DNAH11: variants seen among roughly 807,000 people sequenced by gnomAD.
DNAH11 encodes the protein dynein axonemal heavy chain 11.
In DNAH11, 442 loss-of-function variants were observed where a neutral mutation model predicts 526.0. The observed-to-expected ratio is 0.84, with a 90% confidence interval of 0.78 to 0.91. The LOEUF (loss-of-function observed/expected upper bound fraction) is 0.91, where lower values mean the gene tolerates loss of function less well. DNAH11 is among the 40% of genes least tolerant of loss of function. The probability of loss-of-function intolerance (pLI) is 0.00; values close to 1 mark genes in which losing one functional copy is unlikely to be tolerated. For synonymous variants in DNAH11, 2,461 were observed against 1,935.9 expected (o/e 1.27, Z -7.12); for missense variants, 6,989 against 5,448.7 (o/e 1.28, Z -8.90).
At chr7:21,773,341 C>CTTTTTTTTTTT (rs200549631) in intron 55 of DNAH11, among the ~76,000 whole-genome samples, 1 of 126,668 alleles carries the variant, frequency 7.9e-6, no homozygotes. Flanking sequence ...TAAGTTTTGG[C>CTTTTTTTTTTT]TTTTTTTTTT....
chr7:21,675,227 T>G (rs929581669), intron 30 of DNAH11, among the ~76,000 whole-genome samples: 7 of 152,230 alleles, frequency 4.6e-5, no homozygotes, highest in African/African-American at 1.7e-4. Flanking sequence ...CTTGGGCACT[T>G]GCCTTCCTCT....
chr7:21,716,476 A>G (rs1784667398), intron 42 of DNAH11, among the ~76,000 whole-genome samples: 1 of 152,232 alleles, frequency 6.6e-6, no homozygotes, highest in South Asian at 2.1e-4. Context: ...GAGGTTAAGT[A>G]ACTTGCCCAA....
intron 35 of DNAH11, among the ~76,000 whole-genome samples, chr7:21,693,593 G>C (rs895991417): frequency 3.3e-5 from 5 of 152,192 alleles, no homozygotes; most frequent in African/African-American, 1.2e-4. Flanking sequence ...TTTGGACCTA[G>C]AGATTTTTAT....
rs996148723 is a variant in DNAH11 at position 21,654,224 on chromosome 7, G to A, written c.4945-1608G>A. ...GAAAGTAAAACCCCCTATCCATTAA[G>A]CAGTACCTTCTCATACCCCTCCCTC... On this transcript the variant is annotated intron_variant, in intron 28 of 81. Transcript: ENST00000409508. Among the ~76,000 whole-genome samples the A allele has an allele frequency of 1.2e-4, 19 of 152,154 alleles. No homozygotes were observed. The East Asian group carries it at 3.3e-3, about 26-fold the overall frequency.
chr7:21,734,642 G>T (rs1297602869), intron 45 of DNAH11, among the ~76,000 whole-genome samples: 1 of 152,112 alleles, frequency 6.6e-6, no homozygotes, highest in African/African-American at 2.4e-5. Flanking sequence ...GATCACTTCA[G>T]CCCAGGAGTT....
chr7:21,663,880 A>G (rs1473383624), intron 30 of DNAH11, among the ~76,000 whole-genome samples: 2 of 152,046 alleles, frequency 1.3e-5, no homozygotes, highest in Admixed American at 1.3e-4. Flanking sequence ...AATGCTGAAT[A>G]ATGCTGAAGA....
Position 21,704,531 on chromosome 7 carries a change from TG to T in DNAH11, c.6373del (p.Asp2125MetfsTer48). On this transcript the variant is annotated frameshift_variant, in exon 38 of 82. Coordinates refer to ENST00000409508, the MANE Select transcript of DNAH11 (RefSeq NM_001277115.2). LOFTEE classifies it high-confidence loss of function. ...CTGGTCGGTGACCTGTTTCCAGCCC[TG>T]GATGTGCCCCGGAGGAGGAAGCTGC... is the stretch of plus-strand genomic sequence containing the variant. ...LGLVGDLFPA[L>X]DVPRRRKLHF... 1 of 1,613,854 alleles carries T rather than the reference TG, an allele frequency of 6.2e-7. No individual in the cohort carries two copies. The highest frequency in any genetic ancestry group is 1.1e-5 in the South Asian group (1 of 91,062).
chr7:21,816,367 A>G, intron 63 of DNAH11, 100 bp from the exon 64 acceptor site: 1 of 900,500 alleles, frequency 1.1e-6, no homozygotes, highest in South Asian at 1.7e-5. Context: ...TCATGTGTTT[A>G]CCTAGGGTTA....
At chr7:21,614,957 C>A (rs563948771) in intron 20 of DNAH11, among the ~76,000 whole-genome samples, 157 bp from the exon 21 acceptor site, 12 of 152,330 alleles carry the variant, frequency 7.9e-5, no homozygotes, top group Admixed American at 2.0e-4. Context: ...GTTTGCTCTT[C>A]TAAAACCTAC....
At chr7:21,596,098 G>C (rs958544698) in intron 14 of DNAH11, among the ~76,000 whole-genome samples, 2 of 152,212 alleles carry the variant, frequency 1.3e-5, no homozygotes, top group African/African-American at 4.8e-5. Context: ...TTGACTTCCA[G>C]TGTTTTCTAA....
At chr7:21,623,609 T>G (rs927345218) in intron 25 of DNAH11, among the ~76,000 whole-genome samples, 100 of 151,986 alleles carry the variant, frequency 6.6e-4, no homozygotes, top group African/African-American at 2.0e-3. Context: ...ATGTGGCACA[T>G]ATACACCATG....
Position 21,545,032 on chromosome 7 carries a change from T to C in DNAH11, c.378T>C (p.Leu126=). The stretch of plus-strand genomic sequence containing the variant: ...TTCCAAGAGATGCAAACCATAAACT[T>C]GTTTTTATTTCCAAGAAGATTACTG... ...QEIPRDANHK[L]VFISKKITES... The change falls in exon 2 of 82, where the codon CTT becomes CTC. Residue 126 remains leucine, a synonymous_variant. Transcript: ENST00000409508. 1 of 1,594,482 alleles carries C rather than the reference T, an allele frequency of 6.3e-7. No individual in the cohort carries two copies. The highest frequency in any genetic ancestry group is 8.5e-7 in the Non-Finnish European group (1 of 1,169,990).
intron 42 of DNAH11, among the ~76,000 whole-genome samples, chr7:21,715,533 T>C (rs964226150): frequency 6.6e-6 from 1 of 152,180 alleles, no homozygotes; most frequent in Non-Finnish European, 1.5e-5. Context: ...TATGCCATTT[T>C]AGTATGCCAT....
chr7:21,718,069 C>A lies in DNAH11; in HGVS notation c.7134+144C>A. On this transcript the variant is annotated intron_variant, in intron 43 of 81. Coordinates refer to ENST00000409508, the MANE Select transcript of DNAH11 (RefSeq NM_001277115.2). ...TTGCTGCAACCCTCTTGCCCCCGCC[C>A]CCGTCCCCCATGTTCCCTGGATCTT... 4 of 1,134,788 alleles carry A rather than the reference C, an allele frequency of 3.5e-6. No individual in the cohort carries two copies. The South Asian group carries it at 5.6e-5, about 16-fold the overall frequency. 70.3% of individuals were successfully genotyped at this position (1,134,788 alleles called of 1,614,324 possible). A position where few individuals can be genotyped will look rare whatever the true frequency, so the allele number is the denominator to read the frequency against.
At chr7:21,572,714 G>A (rs947647071) in intron 8 of DNAH11, among the ~76,000 whole-genome samples, 1 of 152,202 alleles carries the variant, frequency 6.6e-6, no homozygotes, top group Non-Finnish European at 1.5e-5. Flanking sequence ...TACGAGTGCA[G>A]TATGTTAGCT....
intron 6 of DNAH11, among the ~76,000 whole-genome samples, chr7:21,569,603 A>T (rs1783801872): frequency 6.6e-6 from 1 of 152,210 alleles, no homozygotes; most frequent in Non-Finnish European, 1.5e-5. Flanking sequence ...AACTTGAAAG[A>T]ATTTCCACTG....
At chr7:21,680,954 G>A (rs995921219) in intron 30 of DNAH11, among the ~76,000 whole-genome samples, 1 of 152,096 alleles carries the variant, frequency 6.6e-6, no homozygotes, top group Non-Finnish European at 1.5e-5. Flanking sequence ...TTCCAACAAT[G>A]TTATGGACCG....
chr7:21,749,876 A>G, intron 53 of DNAH11, 75 bp downstream of exon 53: 1 of 1,590,756 alleles, frequency 6.3e-7, no homozygotes, highest in Non-Finnish European at 8.6e-7. Context: ...AACTTTAAAG[A>G]GAGAGAATTC....
intron 57 of DNAH11, among the ~76,000 whole-genome samples, chr7:21,781,582 T>C (rs1261029742): frequency 6.6e-6 from 1 of 152,192 alleles, no homozygotes; most frequent in Non-Finnish European, 1.5e-5. Flanking sequence ...AGCGCTAATA[T>C]CATCTCTTCA....
Sources: allele counts gnomAD v4.1 joint callset (sites outside exome capture counted in the v4.1 genomes callset), GRCh38; gene constraint gnomAD v4.1.1; transcripts MANE v1.5; gene names NCBI Gene and HGNC (gene_info 2026-07-23, HGNC 2026-07-21).